Variants in TICRR observed in about 807,000 individuals in gnomAD.
The protein encoded by TICRR is TOPBP1 interacting checkpoint and replication regulator.
Under a neutral mutation model 178.1 loss-of-function variants are expected in TICRR, and 132 were observed. That is an observed-to-expected ratio of 0.74 (90% CI 0.64 to 0.86). TICRR has a LOEUF of 0.86. TICRR is among the 40% of genes least tolerant of loss of function. The pLI, the probability that TICRR is intolerant of heterozygous loss-of-function variation, is 0.00. For missense variants in TICRR, 2,587 were observed against 2,334.3 expected, an observed-to-expected ratio of 1.11 and a Z score of -2.23; for synonymous variants, 991 against 900.7, an observed-to-expected ratio of 1.10 and a Z score of -1.79.
At chr15:89,591,835 T>C in intron 4 of TICRR, 1 of 411,954 alleles carries the variant, frequency 2.4e-6, no homozygotes, top group African/African-American at 2.0e-5. Context: ...AACAAAAGAC[T>C]TTAAATTGTG....
Position 89,616,498 on chromosome 15 carries a change from G to C in TICRR, c.2960+3G>C. On this transcript the variant is annotated splice_donor_region_variant and intron_variant, in intron 16 of 21. Coordinates refer to ENST00000268138, the MANE Select transcript of TICRR (RefSeq NM_152259.4). ...CTGCACAGACAAATCAAGGGCAGGT[G>C]AGTGACATCCCCATCCGGGCTTCTT... is the stretch of plus-strand genomic sequence containing the variant. 1 of 1,613,486 alleles carries C rather than the reference G, an allele frequency of 6.2e-7. No homozygotes were observed.
At chr15:89,588,861 G>A (rs541987905) in intron 4 of TICRR, among the ~76,000 whole-genome samples, 13 of 152,270 alleles carry the variant, frequency 8.5e-5, no homozygotes, top group African/African-American at 2.4e-4. Context: ...GACTATGAGC[G>A]TGTAGCCTTT....
chr15:89,593,755 C>T (rs73484650), intron 5 of TICRR, among the ~76,000 whole-genome samples: 2,890 of 152,294 alleles, frequency 0.019, 98 homozygotes, highest in African/African-American at 0.066. Context: ...CTGATAGACC[C>T]AACACATATT....
intron 7 of TICRR, 94 bp from the exon 8 acceptor site, chr15:89,599,230 G>C (rs1483389476): frequency 1.2e-6 from 1 of 834,006 alleles, no homozygotes; most frequent in East Asian, 4.0e-5. Flanking sequence ...TTCCCTGCAA[G>C]GAAATATTTT....
chr15:89,582,989 T>G lies in TICRR; in HGVS notation c.934+24T>G, dbSNP rs147770451. 38,235 of 1,491,936 alleles carry G rather than the reference T, an allele frequency of 0.026. 270 individuals carry two copies. Among genetic ancestry groups the G allele is most frequent in the Non-Finnish European group, 0.029 (32,311 of 1,108,282 alleles). 92.4% of individuals were successfully genotyped at this position (1,491,936 alleles called of 1,614,324 possible). A position where few individuals can be genotyped will look rare whatever the true frequency, so the allele number is the denominator to read the frequency against. ...AGGTAAGCAAATAATATTTTAAGGTTTTTTTTTTTTTAAATCTCAGTTACA... is the reference window on the plus strand; with the variant it reads ...AGGTAAGCAAATAATATTTTAAGGTGTTTTTTTTTTTAAATCTCAGTTACA... On this transcript the variant is annotated intron_variant, in intron 2 of 21. Coordinates refer to ENST00000268138, the MANE Select transcript of TICRR (RefSeq NM_152259.4).
Position 89,590,349 on chromosome 15 carries a change from G to A in TICRR, c.1412-1698G>A, listed in dbSNP as rs112332348. Among the ~76,000 whole-genome samples, 38 of 152,266 alleles carry A rather than the reference G, an allele frequency of 2.5e-4. 4 individuals are homozygous for A. The highest frequency in any genetic ancestry group is 7.5e-4 in the African/African-American group (31 of 41,554). ...CATAACCAAAGCAACGTAATATTTT[G>A]TACTACTGTCACTACCTTACTTACC... On this transcript the variant is annotated intron_variant, in intron 4 of 21. Coordinates refer to ENST00000268138, the MANE Select transcript of TICRR (RefSeq NM_152259.4).
At chr15:89,605,859 C>T (rs1031432242) in intron 13 of TICRR, among the ~76,000 whole-genome samples, 1 of 151,828 alleles carries the variant, frequency 6.6e-6, no homozygotes, top group Non-Finnish European at 1.5e-5. Context: ...TTTAAAAAAA[C>T]AGTTTCCTTG....
Position 89,601,872 on chromosome 15 carries a change from A to G in TICRR, c.2463A>G (p.Pro821=). Residue 821 remains proline (P), a synonymous_variant, in exon 12 of 22, where the codon CCA becomes CCG. Transcript: ENST00000268138. ...DDSMTQENKS[P]LLSVPFLSSA... is the part of the protein sequence containing the mutation. ...CCATGACACAAGAGAACAAATCACC[A>G]CTTCTTTCTGTGCCTTTTTTGTCAA... 1 of 1,614,108 alleles carries G rather than the reference A, an allele frequency of 6.2e-7. No homozygotes were observed. Among genetic ancestry groups the G allele is most frequent in the Non-Finnish European group, 8.5e-7 (1 of 1,180,014 alleles).
Position 89,601,957 on chromosome 15 carries a change from A to C in TICRR, c.2548A>C (p.Arg850=), listed in dbSNP as rs746553986. ...ESDELQELRT[R]SAKKRRKNAL... ...TGATGAACTGCAGGAACTTCGTACC[A>C]GATCAGCCAAGAAGAGAAGGTAAGA... is the stretch of plus-strand genomic sequence containing the variant. The change falls in exon 12 of 22, where the codon AGA becomes CGA. Residue 850 remains arginine (R), a synonymous_variant. Coordinates refer to ENST00000268138, the MANE Select transcript of TICRR (RefSeq NM_152259.4). 1.2e-6 allele frequency: 2 copies of C among 1,614,186 alleles called. No individual in the cohort carries two copies. Among genetic ancestry groups the C allele is most frequent in the Admixed American group, 3.3e-5 (2 of 60,024 alleles).
intron 9 of TICRR, among the ~76,000 whole-genome samples, 198 bp downstream of exon 9, chr15:89,600,883 A>G (rs1250103596): frequency 6.6e-6 from 1 of 152,040 alleles, no homozygotes; most frequent in African/African-American, 2.4e-5. Flanking sequence ...TGTCTACCAA[A>G]AAATTTTTTT....
intron 1 of TICRR, among the ~76,000 whole-genome samples, chr15:89,580,410 CA>C (rs770046856): frequency 6.6e-6 from 1 of 152,184 alleles, no homozygotes; most frequent in Non-Finnish European, 1.5e-5. Context: ...ACAATTTCAA[CA>C]AAATTTTTGT....
At chr15:89,614,015 G>T (rs1002255487) in intron 15 of TICRR, among the ~76,000 whole-genome samples, 25 of 152,094 alleles carry the variant, frequency 1.6e-4, no homozygotes, top group Non-Finnish European at 2.8e-4. Context: ...TTAGCCGGGC[G>T]TGGTGGCGGG....
intron 5 of TICRR, 35 bp from the exon 6 acceptor site, chr15:89,594,380 A>G (rs1555420464): frequency 1.3e-6 from 2 of 1,555,814 alleles, no homozygotes; most frequent in Non-Finnish European, 1.7e-6. Context: ...CAAAATTAGA[A>G]TGTTGGTTTT....
rs1962814240 is a variant in TICRR at position 89,585,894 on chromosome 15, A to G, written c.1363A>G (p.Ser455Gly). 9 of 1,614,086 alleles carry G rather than the reference A, an allele frequency of 5.6e-6. No homozygotes were observed. The highest frequency in any genetic ancestry group is 6.8e-6 in the Non-Finnish European group (8 of 1,180,048). ...TASLFSDVVDSILNQTHDSLA... is the reference protein window; with the variant it reads ...TASLFSDVVDGILNQTHDSLA... ...TTCCCTTTTCTCAGATGTTGTGGAT[A>G]GTATATTGAATCAGACTCATGATTC... Residue 455 changes from serine (S) to glycine (G), a missense_variant, in exon 4 of 22, where the codon AGT (serine) becomes GGT (glycine). Physicochemically the swap from Ser to Gly is moderately conservative, Grantham distance 56. Transcript: ENST00000268138.
chr15:89,602,804 C>A lies in TICRR; in HGVS notation c.2576C>A (p.Ala859Glu). 1 of 1,471,678 alleles carries A rather than the reference C, an allele frequency of 6.8e-7. No individual in the cohort carries two copies. The highest frequency in any genetic ancestry group is 1.5e-5 in the South Asian group (1 of 66,004). The allele number at this position is 1,471,678 out of a possible 1,614,324, so 91.2% of individuals were successfully genotyped here. A position where few individuals can be genotyped will look rare whatever the true frequency, so the allele number is the denominator to read the frequency against. The stretch of plus-strand genomic sequence containing the variant: ...ATTTCTATTTTTAAAAGGAAAAATG[C>A]ATTAATAAGACATAAAAGCATTGCT... ...TRSAKKRRKN[A>E]LIRHKSIAEV... Residue 859 changes from alanine (A) to glutamate (E), a missense_variant, in exon 13 of 22, where the codon GCA becomes GAA. Transcript: ENST00000268138.
At position 89,622,468 on chromosome 15, in the gene TICRR, G is replaced by A. The variant is rs75094071; in HGVS notation, c.3312+918G>A. Among the ~76,000 whole-genome samples, 164 of 152,272 alleles carry A rather than the reference G, an allele frequency of 1.1e-3. 2 individuals are homozygous for A. In the East Asian group the frequency reaches 0.029, roughly 27 times the overall value. The stretch of plus-strand genomic sequence containing the variant: ...GCTTAAAATGTTCACTTTGCTTAAA[G>A]CTCTATAGACTCCCCGTCCGCTAAA... On this transcript the variant is annotated intron_variant, in intron 19 of 21. Transcript: ENST00000268138.
chr15:89,585,498 T>C (rs938892875), intron 3 of TICRR, among the ~76,000 whole-genome samples: 1 of 152,176 alleles, frequency 6.6e-6, no homozygotes, highest in Non-Finnish European at 1.5e-5. Context: ...TTCCTGGTAA[T>C]GTCAGGTTTT....
intron 16 of TICRR, 101 bp downstream of exon 16, chr15:89,616,596 C>T (rs1369705144): frequency 1.0e-5 from 9 of 877,362 alleles, no homozygotes; most frequent in Non-Finnish European, 1.6e-5. Flanking sequence ...TGACTTAAAT[C>T]TTAACTATGT....
chr15:89,586,136 T>A (rs920766820), intron 4 of TICRR, among the ~76,000 whole-genome samples, 194 bp downstream of exon 4: 5 of 152,194 alleles, frequency 3.3e-5, no homozygotes, highest in African/African-American at 7.2e-5. Flanking sequence ...AGGCTGCAGG[T>A]TCCATGAAAC....
Sources: gnomAD v4.1 joint callset for allele counts (sites outside exome capture counted in the v4.1 genomes callset) on GRCh38, gnomAD v4.1.1 for gene constraint, MANE v1.5 for transcripts, NCBI Gene and HGNC (gene_info 2026-07-23, HGNC 2026-07-21) for gene names.